RASSF7: variants seen among roughly 807,000 people sequenced by gnomAD.
RASSF7 encodes ras association domain-containing protein 7.
A neutral mutation model predicts 33.8 loss-of-function variants in RASSF7; 41 were observed. The ratio of observed to expected loss-of-function variants is 1.21; its 90% CI spans 0.95 to 1.57. RASSF7 has a LOEUF of 1.57. RASSF7 is among the 40% of genes most tolerant of loss of function. The pLI, the probability that RASSF7 is intolerant of heterozygous loss-of-function variation, is 0.00. For missense variants in RASSF7, 622 were observed against 497.0 expected (o/e 1.25, Z -2.39); for synonymous variants, 298 against 212.8 (o/e 1.40, Z -3.48).
rs200061286 is a variant in RASSF7 at position 561,905 on chromosome 11, G to A, written c.124+13G>A. ...GCCCAAGCAATAGGTGAGTCCTCTC[G>A]GGGTCAGGCAGGCCGGGCAGGTAGA... On this transcript the variant is annotated intron_variant, in intron 2 of 5. Transcript: ENST00000397583. The A allele has an allele frequency of 7.1e-4, 1,152 of 1,612,976 alleles. 1 individual carries two copies. Among genetic ancestry groups the A allele is most frequent in the Non-Finnish European group, 9.1e-4 (1,073 of 1,179,700 alleles).
Position 563,262 on chromosome 11 carries a change from C to G in RASSF7, c.896C>G (p.Thr299Ser). 1.9e-6 allele frequency: 3 copies of G among 1,611,480 alleles called. No homozygotes were observed. The highest frequency in any genetic ancestry group is 1.7e-5 in the Admixed American group (1 of 59,902). Residue 299 changes from threonine to serine, a missense_variant, in exon 4 of 6, where the codon ACC becomes AGC. Physicochemically the swap from Thr to Ser is moderately conservative, Grantham distance 58. Coordinates refer to ENST00000397583, the MANE Select transcript of RASSF7 (RefSeq NM_003475.4). ...QCNLQQFIQQ[T>S]GAALPPPPRP... ...AACCTGCAGCAGTTCATCCAGCAGA[C>G]CGGGGCTGCGCTGCCACCGCCCCCA...
rs1023136336 is a variant in RASSF7 at position 561,586 on chromosome 11, G to A, written c.-8+109G>A. 4.3e-6 allele frequency: 6 copies of A among 1,390,606 alleles called. No individual in the cohort carries two copies. The South Asian group carries it at 5.9e-5, about 14-fold the overall frequency. 86.1% of individuals were successfully genotyped at this position (1,390,606 alleles called of 1,614,324 possible). The stretch of plus-strand genomic sequence containing the variant: ...GTGGGGGAGGATGCGTGCTCCGGAG[G>A]GCCGCCACCCCAGGAATGTGTGGCT... On this transcript the variant is annotated intron_variant, in intron 1 of 5. Coordinates refer to ENST00000397583, the MANE Select transcript of RASSF7 (RefSeq NM_003475.4).
chr11:561,388 G>T lies in RASSF7; in HGVS notation c.-97G>T, dbSNP rs1261297130. On this transcript the variant is annotated 5_prime_UTR_variant, in exon 1 of 6. Coordinates refer to ENST00000397583, the MANE Select transcript of RASSF7 (RefSeq NM_003475.4). ...GCGCCTCTGCGGCCTGAGCAGGTCGGGGTGGGGCGTTCCCATGCCGGCGGC... is the reference window on the plus strand; with the variant it reads ...GCGCCTCTGCGGCCTGAGCAGGTCGTGGTGGGGCGTTCCCATGCCGGCGGC... 9.0e-7 allele frequency: 1 copy of T among 1,112,910 alleles called. No homozygotes were observed. Among genetic ancestry groups the T allele is most frequent in the East Asian group, 6.8e-5 (1 of 14,646 alleles). 68.9% of individuals were successfully genotyped at this position (1,112,910 alleles called of 1,614,324 possible).
At chr11:561,706 C>G in intron 1 of RASSF7, 56 bp from the exon 2 acceptor site, 1 of 1,606,278 alleles carries the variant, frequency 6.2e-7, no homozygotes, top group Non-Finnish European at 8.5e-7. Flanking sequence ...GAGAGGAGGA[C>G]CAGCCTGCGA....
In RASSF7 at chr11:561,729, G is replaced by A. The variant is rs1237111132; in HGVS notation, c.-7-33G>A. The A allele has an allele frequency of 3.1e-6, 5 of 1,612,186 alleles. No homozygotes were observed. The African/African-American group carries it at 4.0e-5, about 13-fold the overall frequency. ...GACCAGCCTGCGATAGGAGTAGGCA[G>A]GTCCTGACCCGGTGCCTGCGCCCTC... On this transcript the variant is annotated intron_variant, in intron 1 of 5. Coordinates refer to ENST00000397583, the MANE Select transcript of RASSF7 (RefSeq NM_003475.4).
rs761181909 is a variant in RASSF7 at position 563,435 on chromosome 11, G to A, written c.991G>A (p.Ala331Thr). 2.4e-5 allele frequency: 39 copies of A among 1,611,514 alleles called. No homozygotes were observed. Among genetic ancestry groups the A allele is most frequent in the Non-Finnish European group, 3.1e-5 (37 of 1,179,526 alleles). The part of the protein sequence containing the change: ...PPAREESLLG[A>T]PSESHAGAQP... The stretch of plus-strand genomic sequence containing the variant: ...AGCCAGAGAGGAGTCCCTCCTGGGC[G>A]CTCCCTCTGAGTCCCATGCTGGTGC... Residue 331 changes from alanine to threonine, a missense_variant, in exon 5 of 6, where the codon GCT (alanine) becomes ACT (threonine). Coordinates refer to ENST00000397583, the MANE Select transcript of RASSF7 (RefSeq NM_003475.4).
chr11:563,540 G>T lies in RASSF7; in HGVS notation c.1035-18G>T. 1 of 1,611,462 alleles carries T rather than the reference G, an allele frequency of 6.2e-7. No individual in the cohort carries two copies. ...CCCTCCTGTGGCTGCAGCCACCTCA[G>T]CCTGTGTCCTCCCGCAGTGGCCCCC... is the stretch of plus-strand genomic sequence containing the variant. On this transcript the variant is annotated intron_variant, in intron 5 of 5. Transcript: ENST00000397583.
chr11:563,564 C>T lies in RASSF7; in HGVS notation c.1041C>T (p.Pro347=), dbSNP rs968281895. ...AGAQPRPRGG[P]HDAELLEVAA... Reference sequence around the variant, plus strand: ...AGCCTGTGTCCTCCCGCAGTGGCCCCCATGACGCAGAACTCCTGGAGGTAG... The same window carrying T: ...AGCCTGTGTCCTCCCGCAGTGGCCCTCATGACGCAGAACTCCTGGAGGTAG... Residue 347 remains proline, a synonymous_variant, in exon 6 of 6, where the codon CCC becomes CCT. Coordinates refer to ENST00000397583, the MANE Select transcript of RASSF7 (RefSeq NM_003475.4). The T allele has an allele frequency of 2.5e-6, 4 of 1,612,052 alleles. No individual in the cohort carries two copies. Among genetic ancestry groups the T allele is most frequent in the Non-Finnish European group, 3.4e-6 (4 of 1,179,892 alleles).
chr11:562,471 G>A lies in RASSF7; in HGVS notation c.517G>A (p.Ala173Thr). The A allele has an allele frequency of 6.4e-7, 1 of 1,550,472 alleles. No individual in the cohort carries two copies. The highest frequency in any genetic ancestry group is 8.7e-7 in the Non-Finnish European group (1 of 1,146,966). The change falls in exon 3 of 6, where the codon GCC becomes ACC. Residue 173 changes from alanine to threonine, a missense_variant. Ala to Thr is a moderately conservative substitution (Grantham distance 58). Coordinates refer to ENST00000397583, the MANE Select transcript of RASSF7 (RefSeq NM_003475.4). ...GAATGCTGAGGAGCTGGGCCATGAG[G>A]CCTTCTGGGAGCAAGAGCTGCGCCG... ...QRNAEELGHE[A>T]FWEQELRREQ... is the part of the protein sequence containing the mutation.
chr11:563,084 C>T (rs1853418148), intron 3 of RASSF7, 105 bp from the exon 4 acceptor site: 11 of 1,140,328 alleles, frequency 9.6e-6, no homozygotes, highest in Non-Finnish European at 1.4e-5. Flanking sequence ...CTGACGTGGG[C>T]AGATATGGGG....
chr11:563,263 C>CG lies in RASSF7; in HGVS notation c.901dup (p.Ala301GlyfsTer10), dbSNP rs1564824906. The CG allele has an allele frequency of 1.9e-6, 3 of 1,611,172 alleles. No individual in the cohort carries two copies. The South Asian group carries it at 3.3e-5, about 18-fold the overall frequency. ...ACCTGCAGCAGTTCATCCAGCAGAC[C>CG]GGGGCTGCGCTGCCACCGCCCCCAC... On this transcript the variant is annotated frameshift_variant, in exon 4 of 6. Coordinates refer to ENST00000397583, the MANE Select transcript of RASSF7 (RefSeq NM_003475.4). LOFTEE classifies it high-confidence loss of function.
rs966718717 is a variant in RASSF7 at position 561,796 on chromosome 11, C to A, written c.28C>A (p.Leu10Met). The A allele has an allele frequency of 6.2e-6, 10 of 1,613,226 alleles. No homozygotes were observed. The highest frequency in any genetic ancestry group is 3.3e-5 in the Admixed American group (2 of 60,000). The stretch of plus-strand genomic sequence containing the variant: ...GTTGTTGGGACTGGCGGCCATGGAG[C>A]TGAAGGTGTGGGTGGATGGCATCCA... MLLGLAAME[L>M]KVWVDGIQRV... The change falls in exon 2 of 6, where the codon CTG becomes ATG. Residue 10 changes from leucine to methionine, a missense_variant. Physicochemically the swap from Leu to Met is conservative, Grantham distance 15. Transcript: ENST00000397583.
intron 2 of RASSF7, 89 bp downstream of exon 2, chr11:561,981 G>A (rs1853344608): frequency 1.3e-6 from 2 of 1,567,426 alleles, no homozygotes; most frequent in African/African-American, 1.4e-5. Flanking sequence ...CAAGGAGAGT[G>A]GGGCTGGTTG....
chr11:563,195 G>A lies in RASSF7; in HGVS notation c.829G>A (p.Ala277Thr), dbSNP rs769929847. 1 of 1,579,312 alleles carries A rather than the reference G, an allele frequency of 6.3e-7. No individual in the cohort carries two copies. Among genetic ancestry groups the A allele is most frequent in the Admixed American group, 1.7e-5 (1 of 58,012 alleles). ...EAAERALQAQ[A>T]QELEELNREL... Reference sequence around the variant, plus strand: ...GGATCTCATGTGTCCCCAGGCTCAGGCTCAGGAGCTGGAGGAGCTGAACCG... The same window carrying A: ...GGATCTCATGTGTCCCCAGGCTCAGACTCAGGAGCTGGAGGAGCTGAACCG... The change falls in exon 4 of 6, where the codon GCT becomes ACT. Residue 277 changes from alanine to threonine, a missense_variant. Ala to Thr is a moderately conservative substitution (Grantham distance 58). Coordinates refer to ENST00000397583, the MANE Select transcript of RASSF7 (RefSeq NM_003475.4).
At chr11:562,826 C>T in intron 3 of RASSF7, 50 bp downstream of exon 3, 5 of 1,363,812 alleles carry the variant, frequency 3.7e-6, no homozygotes, top group South Asian at 1.5e-5. Context: ...CTGATATGGG[C>T]AGATACGGGG....
rs746555894 is a variant in RASSF7, at chr11:563,617, C to T, written c.1094C>T (p.Pro365Leu). ...GCAGCTCCTGCCCCAGAGTGGTGTCCTCTGGCAGCCCAGCCCCAGGCTCTG... is the reference window on the plus strand; with the variant it reads ...GCAGCTCCTGCCCCAGAGTGGTGTCTTCTGGCAGCCCAGCCCCAGGCTCTG... The part of the protein sequence containing the change: ...VAAAPAPEWC[P>L]LAAQPQAL Residue 365 changes from proline (P) to leucine (L), a missense_variant, in exon 6 of 6, where the codon CCT becomes CTT. Pro to Leu is a moderately conservative substitution (Grantham distance 98). Coordinates refer to ENST00000397583, the MANE Select transcript of RASSF7 (RefSeq NM_003475.4). The T allele has an allele frequency of 2.5e-6, 4 of 1,611,482 alleles. No homozygotes were observed. The highest frequency in any genetic ancestry group is 1.1e-5 in the South Asian group (1 of 91,046).
chr11:562,953 G>A (rs558151510), intron 3 of RASSF7, among the ~76,000 whole-genome samples, 177 bp downstream of exon 3: 111 of 150,784 alleles, frequency 7.4e-4, no homozygotes, highest in Non-Finnish European at 1.0e-3. Context: ...AGGCAGGTGA[G>A]CCCGCGGACC....
chr11:561,967 C>T (rs910356233), intron 2 of RASSF7, 75 bp downstream of exon 2: 177 of 1,589,150 alleles, frequency 1.1e-4, no homozygotes, highest in Non-Finnish European at 1.0e-4. Context: ...TCCATGGTCT[C>T]CCCCAAGGAG....
intron 1 of RASSF7, 126 bp downstream of exon 1, chr11:561,603 T>C (rs1035879511): frequency 2.9e-6 from 4 of 1,394,124 alleles, no homozygotes; most frequent in Non-Finnish European, 3.8e-6. Flanking sequence ...ACCCCAGGAA[T>C]GTGTGGCTGG....
Sources: gnomAD v4.1 joint callset for allele counts (sites outside exome capture counted in the v4.1 genomes callset) on GRCh38, gnomAD v4.1.1 for gene constraint, MANE v1.5 for transcripts, NCBI Gene and HGNC (gene_info 2026-07-23, HGNC 2026-07-21) for gene names.